The following CPVL variants were observed in gnomAD, a reference collection of about 807,000 sequenced individuals.
The protein encoded by CPVL is probable serine carboxypeptidase CPVL.
Under a neutral mutation model 63.7 loss-of-function variants are expected in CPVL, and 51 were observed. The ratio of observed to expected loss-of-function variants is 0.80; its 90% CI spans 0.64 to 1.01. The LOEUF is 1.01. CPVL is among the 50% of genes least tolerant of loss of function. CPVL has a pLI of 0.00. For synonymous variants in CPVL, 195 were observed against 206.0 expected (o/e 0.95, Z 0.46); for missense variants, 530 against 573.1 (o/e 0.92, Z 0.77).
intron 5 of CPVL, among the ~76,000 whole-genome samples, chr7:29,163,080 A>G (rs979876588): frequency 1.3e-5 from 2 of 152,208 alleles, no homozygotes; most frequent in African/African-American, 4.8e-5. Context: ...TGATGGATTC[A>G]TGGGATCTGT....
At chr7:29,143,418 G>A (rs1289570434) in intron 1 of CPVL, among the ~76,000 whole-genome samples, 2 of 152,072 alleles carry the variant, frequency 1.3e-5, no homozygotes, top group African/African-American at 4.8e-5. Context: ...AAATTCTTTT[G>A]ACTTTTCTGA....
At chr7:29,111,362 C>T (rs899450889) in intron 3 of CPVL, among the ~76,000 whole-genome samples, 1 of 152,206 alleles carries the variant, frequency 6.6e-6, no homozygotes, top group African/African-American at 2.4e-5. Context: ...CCACCTGGCT[C>T]CCAGTTGGGC....
At chr7:29,153,805 A>G (rs917766716) in intron 5 of CPVL, among the ~76,000 whole-genome samples, 7 of 151,956 alleles carry the variant, frequency 4.6e-5, no homozygotes, top group Non-Finnish European at 8.8e-5. Flanking sequence ...CTTGGCCTCA[A>G]GTGATCTACC....
chr7:29,034,641 C>T (rs1788343676), intron 11 of CPVL, among the ~76,000 whole-genome samples: 1 of 151,848 alleles, frequency 6.6e-6, no homozygotes, highest in Non-Finnish European at 1.5e-5. Flanking sequence ...TCGTTTTTTA[C>T]AAAATAATTC....
chr7:29,187,040 G>A (rs954796430), intron 1 of CPVL, among the ~76,000 whole-genome samples: 8 of 152,148 alleles, frequency 5.3e-5, no homozygotes, highest in Admixed American at 5.2e-4. Flanking sequence ...TGTATACAAA[G>A]TGTTTAGCAT....
intron 11 of CPVL, among the ~76,000 whole-genome samples, chr7:29,043,341 A>G (rs1244852549): frequency 6.6e-6 from 1 of 151,784 alleles, no homozygotes; most frequent in Non-Finnish European, 1.5e-5. Context: ...CATGCTCTCA[A>G]TGGTTCTATT....
chr7:29,141,273 C>A lies in CPVL; in HGVS notation c.-11+5156G>T, dbSNP rs142213628. ...AAAGATTTAAAGTATGCCCTCAGAC[C>A]GGGCACGGTGGCTGATGCCTGTAAT... On this transcript the variant is annotated intron_variant, in intron 1 of 12. Transcript: ENST00000265394. Among the ~76,000 whole-genome samples, 121 of 152,314 alleles carry A rather than the reference C, an allele frequency of 7.9e-4. 2 individuals are homozygous for A. The highest frequency in any genetic ancestry group is 2.7e-3 in the African/African-American group (114 of 41,562).
intron 1 of CPVL, among the ~76,000 whole-genome samples, chr7:29,128,436 C>T (rs116083945): frequency 0.02 from 2,967 of 152,098 alleles, 93 homozygotes; most frequent in African/African-American, 0.068. Flanking sequence ...TCTCTCTGGG[C>T]CCGGCATGAT....
At chr7:29,189,266 C>G (rs1799107191) in intron 1 of CPVL, among the ~76,000 whole-genome samples, 1 of 152,026 alleles carries the variant, frequency 6.6e-6, no homozygotes, top group African/African-American at 2.4e-5. Context: ...TCCCTCATAT[C>G]TTTATTCCCC....
At chr7:29,080,660 T>C (rs1784621317) in intron 7 of CPVL, among the ~76,000 whole-genome samples, 2 of 152,072 alleles carry the variant, frequency 1.3e-5, no homozygotes, top group African/African-American at 2.4e-5. Flanking sequence ...TTCTATAATA[T>C]TCATTAAGCA....
rs562197174 is a variant in CPVL, at chr7:29,018,094, A to C, written c.1320+12483T>G. ...TAAAAATAGTAAGGGCTCAAATTGC[A>C]ATCAGGAAAATCAGCCTGTTGGAGA... is the stretch of plus-strand genomic sequence containing the variant. On this transcript the variant is annotated intron_variant, in intron 12 of 12. Transcript: ENST00000265394. Among the ~76,000 whole-genome samples the C allele has an allele frequency of 7.2e-5, 11 of 152,374 alleles. No homozygotes were observed. The East Asian group carries it at 2.1e-3, about 29-fold the overall frequency.
Position 29,030,889 on chromosome 7 carries a change from T to C in CPVL, c.1138-130A>G, listed in dbSNP as rs1787960944. The stretch of plus-strand genomic sequence containing the variant: ...AATCTCTCTGAGATTTTCTTCTAGT[T>C]AGCCATAAAGAATAACAATCCGAAA... On this transcript the variant is annotated intron_variant, in intron 11 of 12. Transcript: ENST00000265394. 22 of 788,510 alleles carry C rather than the reference T, an allele frequency of 2.8e-5. No individual in the cohort carries two copies. The South Asian group carries it at 4.2e-4, about 15-fold the overall frequency. 48.8% of individuals were successfully genotyped at this position (788,510 alleles called of 1,614,324 possible).
At chr7:29,141,310 G>C (rs182924510) in intron 1 of CPVL, among the ~76,000 whole-genome samples, 18 of 152,334 alleles carry the variant, frequency 1.2e-4, no homozygotes, top group African/African-American at 3.6e-4. Flanking sequence ...CCAACAATTT[G>C]GGAGGCTGAG....
intron 3 of CPVL, chr7:29,096,595 A>G: frequency 4.5e-6 from 1 of 222,350 alleles, no homozygotes; most frequent in Non-Finnish European, 8.7e-6. Flanking sequence ...TTTAACACAC[A>G]TATTCCCAAC....
chr7:29,108,831 A>G (rs998424254), intron 3 of CPVL, among the ~76,000 whole-genome samples: 3 of 152,218 alleles, frequency 2.0e-5, no homozygotes, highest in African/African-American at 7.2e-5. Flanking sequence ...CAAGATTTCT[A>G]TCCAAGCCTG....
chr7:29,098,169 C>G (rs1584255141), intron 3 of CPVL, among the ~76,000 whole-genome samples: 1 of 152,138 alleles, frequency 6.6e-6, no homozygotes, highest in African/African-American at 2.4e-5. Context: ...TGAGTGGATG[C>G]GTTCCATTGA....
At chr7:29,007,221 A>G (rs1785281223) in intron 12 of CPVL, among the ~76,000 whole-genome samples, 1 of 152,242 alleles carries the variant, frequency 6.6e-6, no homozygotes, top group Non-Finnish European at 1.5e-5. Context: ...TAGCCAATTT[A>G]TATTTTAAAT....
At chr7:29,068,694 CTTT>C (rs1783389434) in intron 9 of CPVL, among the ~76,000 whole-genome samples, 1 of 146,052 alleles carries the variant, frequency 6.8e-6, no homozygotes, top group Non-Finnish European at 1.5e-5. Context: ...TTTTTTTTTT[CTTT>C]GTTTTTTTTT....
intron 9 of CPVL, 64 bp downstream of exon 9, chr7:29,071,709 A>AACCCC: frequency 2.1e-6 from 1 of 472,924 alleles, no homozygotes; most frequent in Non-Finnish European, 4.2e-6. Context: ...GTTCCTGCTC[A>AACCCC]CCCGCCCTCC....
Sources: allele counts gnomAD v4.1 joint callset (sites outside exome capture counted in the v4.1 genomes callset), GRCh38; gene constraint gnomAD v4.1.1; transcripts MANE v1.5; gene names NCBI Gene and HGNC (gene_info 2026-07-23, HGNC 2026-07-21).